Variants in SP4 observed in about 807,000 individuals in gnomAD.
SP4 encodes the protein Sp4 transcription factor.
SP4 carries 19 observed loss-of-function variants against 72.8 expected under a neutral mutation model. The observed-to-expected ratio is 0.26, with a 90% confidence interval of 0.18 to 0.38. SP4 has a LOEUF of 0.38. Among genes scored for constraint, SP4 ranks in the 10% least tolerant of loss-of-function variants. The probability of loss-of-function intolerance (pLI) is 1.00; values close to 1 mark genes in which losing one functional copy is unlikely to be tolerated. For synonymous variants in SP4, 395 were observed against 333.1 expected (o/e 1.19, Z -2.02); for missense variants, 1,008 against 926.3 (o/e 1.09, Z -1.14).
chr7:21,449,299 G>T (rs1357299490), intron 3 of SP4, among the ~76,000 whole-genome samples: 1 of 152,186 alleles, frequency 6.6e-6, no homozygotes, highest in Non-Finnish European at 1.5e-5. Context: ...TGACCCGTAT[G>T]CTCCACATCC....
Position 21,429,284 on chromosome 7 carries a change from G to T in SP4, c.124-5G>T, listed in dbSNP as rs757424555. The T allele has an allele frequency of 1.3e-6, 2 of 1,573,416 alleles. No homozygotes were observed. The highest frequency in any genetic ancestry group is 2.3e-5 in the South Asian group (2 of 88,336). The stretch of plus-strand genomic sequence containing the variant: ...CCCTCTCCTTTACCGTCCCATTTTG[G>T]GTAGGACTCTCAGCCCTCTCCTCTG... On this transcript the variant is annotated splice_region_variant and splice_polypyrimidine_tract_variant and intron_variant, in intron 2 of 5. Coordinates refer to ENST00000222584, the MANE Select transcript of SP4 (RefSeq NM_003112.5).
At chr7:21,499,216 G>A (rs947438292) in intron 5 of SP4, among the ~76,000 whole-genome samples, 1 of 152,136 alleles carries the variant, frequency 6.6e-6, no homozygotes, top group Non-Finnish European at 1.5e-5. Flanking sequence ...AGGAGGAAGA[G>A]AAAGGATCGG....
chr7:21,436,772 C>T (rs1306504967), intron 3 of SP4, among the ~76,000 whole-genome samples: 1 of 152,164 alleles, frequency 6.6e-6, no homozygotes, highest in Non-Finnish European at 1.5e-5. Context: ...CCACAAATTG[C>T]TTATTTAAGT....
chr7:21,463,869 A>T (rs953609738), intron 3 of SP4, among the ~76,000 whole-genome samples: 3 of 152,200 alleles, frequency 2.0e-5, no homozygotes, highest in African/African-American at 7.2e-5. Context: ...TCAATTAATT[A>T]TCTTAAAAGT....
chr7:21,508,258 G>A (rs565337964), intron 5 of SP4, among the ~76,000 whole-genome samples: 3 of 152,318 alleles, frequency 2.0e-5, no homozygotes, highest in Admixed American at 6.5e-5. Flanking sequence ...AGATTCACCT[G>A]TCCAAACCCA....
chr7:21,464,492 G>T (rs972478655), intron 3 of SP4, among the ~76,000 whole-genome samples: 3 of 151,548 alleles, frequency 2.0e-5, no homozygotes, highest in Non-Finnish European at 4.4e-5. Context: ...TGTTTATTTT[G>T]TTCTTGACAT....
chr7:21,484,341 A>G (rs532884240), intron 5 of SP4, among the ~76,000 whole-genome samples: 2 of 151,970 alleles, frequency 1.3e-5, no homozygotes, highest in Non-Finnish European at 3.0e-5. Flanking sequence ...TAATAATTTT[A>G]TGTGTGAAAG....
chr7:21,479,918 C>T (rs1784629737), intron 4 of SP4, among the ~76,000 whole-genome samples: 1 of 152,120 alleles, frequency 6.6e-6, no homozygotes. Flanking sequence ...TGTAGAAATA[C>T]ATTTTTTAAT....
At chr7:21,501,862 G>A (rs1034568953) in intron 5 of SP4, among the ~76,000 whole-genome samples, 7 of 152,132 alleles carry the variant, frequency 4.6e-5, no homozygotes, top group Non-Finnish European at 7.3e-5. Flanking sequence ...AGGCCATTTG[G>A]CTGATGGCAT....
chr7:21,504,085 A>C (rs572122550), intron 5 of SP4, among the ~76,000 whole-genome samples: 5 of 152,144 alleles, frequency 3.3e-5, no homozygotes, highest in Admixed American at 6.5e-5. Flanking sequence ...GTTTGGGAGC[A>C]GGCTACATAG....
At chr7:21,443,587 A>G (rs994132538) in intron 3 of SP4, among the ~76,000 whole-genome samples, 3 of 152,178 alleles carry the variant, frequency 2.0e-5, no homozygotes, top group African/African-American at 4.8e-5. Context: ...CTTTTTGTTC[A>G]CAGAAGCGGA....
chr7:21,428,653 G>T (rs1387846628), intron 1 of SP4, 24 bp from the exon 2 acceptor site: 1 of 1,527,064 alleles, frequency 6.5e-7, no homozygotes, highest in Admixed American at 2.0e-5. Flanking sequence ...TGTCGTGTGT[G>T]TGTGGTGGGG....
chr7:21,443,826 T>A (rs188937894), intron 3 of SP4, among the ~76,000 whole-genome samples: 146 of 152,268 alleles, frequency 9.6e-4, no homozygotes, highest in Admixed American at 3.7e-3. Context: ...TTAAAAGTGG[T>A]TTGTGAATTC....
At chr7:21,459,026 C>T (rs1458671123) in intron 3 of SP4, among the ~76,000 whole-genome samples, 3 of 152,188 alleles carry the variant, frequency 2.0e-5, no homozygotes, top group African/African-American at 4.8e-5. Flanking sequence ...ATACTGTACC[C>T]TCTTAGCACT....
At chr7:21,429,251 T>TCC (rs55964829) in intron 2 of SP4, 38 bp from the exon 3 acceptor site, 24 of 1,026,430 alleles carry the variant, frequency 2.3e-5, no homozygotes, top group Middle Eastern at 2.2e-4. Flanking sequence ...CCACTTTTTT[T>TCC]CCCCCCCCCC....
chr7:21,446,436 A>G (rs1319069232), intron 3 of SP4, among the ~76,000 whole-genome samples: 4 of 152,072 alleles, frequency 2.6e-5, no homozygotes, highest in East Asian at 1.9e-4. Flanking sequence ...GAGTGTAACT[A>G]TGACATATTT....
chr7:21,449,166 C>T (rs934495887), intron 3 of SP4, among the ~76,000 whole-genome samples: 1 of 152,180 alleles, frequency 6.6e-6, no homozygotes, highest in Non-Finnish European at 1.5e-5. Flanking sequence ...GCCCCACGGT[C>T]TTCTAAAGTT....
intron 4 of SP4, among the ~76,000 whole-genome samples, chr7:21,479,107 C>G (rs1342449673): frequency 6.6e-6 from 1 of 151,722 alleles, no homozygotes; most frequent in Non-Finnish European, 1.5e-5. Flanking sequence ...ATATTGTCTC[C>G]CATTGTGTGA....
At chr7:21,430,944 A>C (rs1782830715) in intron 3 of SP4, 101 bp downstream of exon 3, 4 of 811,714 alleles carry the variant, frequency 4.9e-6, no homozygotes, top group Non-Finnish European at 7.8e-6. Flanking sequence ...CTCTGAAGTA[A>C]ACACACAATC....
Sources: gnomAD v4.1 joint callset for allele counts (sites outside exome capture counted in the v4.1 genomes callset) on GRCh38, gnomAD v4.1.1 for gene constraint, MANE v1.5 for transcripts, NCBI Gene and HGNC (gene_info 2026-07-23, HGNC 2026-07-21) for gene names.